TGFBRAP1: variants seen among roughly 807,000 people sequenced by gnomAD.
The protein encoded by TGFBRAP1 is transforming growth factor beta receptor associated protein 1.
A neutral mutation model predicts 83.2 loss-of-function variants in TGFBRAP1; 20 were observed. That is an observed-to-expected ratio of 0.24 (90% CI 0.17 to 0.35). The LOEUF (loss-of-function observed/expected upper bound fraction) is 0.35, where lower values mean the gene tolerates loss of function less well. TGFBRAP1 is among the 10% of genes least tolerant of loss of function. The probability of loss-of-function intolerance (pLI) is 1.00; values close to 1 mark genes in which losing one functional copy is unlikely to be tolerated. For missense variants in TGFBRAP1, 950 were observed against 1,099.4 expected, an observed-to-expected ratio of 0.86 and a Z score of 1.92; for synonymous variants, 415 against 459.8, an observed-to-expected ratio of 0.90 and a Z score of 1.25.
At chr2:105,277,171 G>T (rs1677378461) in intron 7 of TGFBRAP1, among the ~76,000 whole-genome samples, 1 of 152,190 alleles carries the variant, frequency 6.6e-6, no homozygotes, top group South Asian at 2.1e-4. Context: ...CATGGCCTCG[G>T]GCAAGCAACT....
downstream of TGFBRAP1, among the ~76,000 whole-genome samples, chr2:105,261,163 A>G (rs1343104641): frequency 2.6e-5 from 4 of 152,180 alleles, no homozygotes; most frequent in East Asian, 7.7e-4. Flanking sequence ...CAGAGGCGGG[A>G]GTGAGGGAGG....
intron 8 of TGFBRAP1, among the ~76,000 whole-genome samples, chr2:105,274,960 G>A (rs1187409418): frequency 1.3e-5 from 2 of 152,200 alleles, no homozygotes; most frequent in Non-Finnish European, 2.9e-5. Flanking sequence ...CACCTGTGGG[G>A]CTTTACTAAG....
At chr2:105,289,332 C>T (rs553011902) in intron 4 of TGFBRAP1, among the ~76,000 whole-genome samples, 1 of 152,278 alleles carries the variant, frequency 6.6e-6, no homozygotes, top group Non-Finnish European at 1.5e-5. Context: ...CTTTTAACCA[C>T]ATGCATGTAT....
the TGFBRAP1 span, among the ~76,000 whole-genome samples, chr2:105,252,480 T>A: frequency 6.6e-6 from 1 of 152,100 alleles, no homozygotes; most frequent in Non-Finnish European, 1.5e-5. Context: ...CGGAATGCAT[T>A]CCCTTCAGAC....
At chr2:105,272,536 G>A (rs755084920) in intron 10 of TGFBRAP1, among the ~76,000 whole-genome samples, 13 of 152,218 alleles carry the variant, frequency 8.5e-5, no homozygotes, top group South Asian at 2.1e-4. Flanking sequence ...CTAGAGGCAC[G>A]AGAAGCCTTA....
At chr2:105,281,894 A>G (rs1677550619) in intron 5 of TGFBRAP1, among the ~76,000 whole-genome samples, 1 of 151,806 alleles carries the variant, frequency 6.6e-6, no homozygotes, top group Non-Finnish European at 1.5e-5. Context: ...GTGCTATGGC[A>G]TCTAGTAGGT....
downstream of TGFBRAP1, among the ~76,000 whole-genome samples, chr2:105,261,088 G>A (rs370303112): frequency 3.9e-5 from 6 of 152,186 alleles, no homozygotes; most frequent in African/African-American, 1.4e-4. Flanking sequence ...CTGCCTGTAA[G>A]TCAGCAACAT....
At chr2:105,279,243 T>C (rs942900831) in intron 6 of TGFBRAP1, among the ~76,000 whole-genome samples, 2 of 152,204 alleles carry the variant, frequency 1.3e-5, no homozygotes, top group East Asian at 3.9e-4. Flanking sequence ...TACTAACTCA[T>C]GCACATAAGG....
Position 105,280,542 on chromosome 2 carries a change from C to T in TGFBRAP1, c.1303G>A (p.Val435Ile). 6.2e-7 allele frequency: 1 copy of T among 1,614,158 alleles called. No individual in the cohort carries two copies. The highest frequency in any genetic ancestry group is 8.5e-7 in the Non-Finnish European group (1 of 1,180,036). Reference protein sequence around the residue: ...KRFLMSYLNEVRSTEVANGYK... With the variant: ...KRFLMSYLNEIRSTEVANGYK... ...CCATTTGCTACCTCTGTGCTGCGGA[C>T]CTCGTTCAGGTAGCTCATGAGGAAG... The change falls in exon 6 of 12, where the codon GTC (valine) becomes ATC (isoleucine). Residue 435 changes from valine (V) to isoleucine (I), a missense_variant. Physicochemically the swap from Val to Ile is conservative, Grantham distance 29. Transcript: ENST00000393359.
At chr2:105,298,433 TTC>T in intron 3 of TGFBRAP1, 76 bp downstream of exon 3, 2 of 1,465,848 alleles carry the variant, frequency 1.4e-6, no homozygotes, top group Non-Finnish European at 1.8e-6. Context: ...CAAGGCCCAG[TTC>T]CTAAATGATA....
chr2:105,313,975 G>A (rs957215483), intron 1 of TGFBRAP1, among the ~76,000 whole-genome samples: 2 of 152,108 alleles, frequency 1.3e-5, no homozygotes, highest in African/African-American at 4.8e-5. Flanking sequence ...CTAACCCCCA[G>A]TACCCATGAA....
chr2:105,283,116 C>T (rs750647084), intron 5 of TGFBRAP1, among the ~76,000 whole-genome samples: 4 of 152,186 alleles, frequency 2.6e-5, no homozygotes, highest in Non-Finnish European at 5.9e-5. Context: ...ACACAAGATA[C>T]GGCAGAAAAG....
chr2:105,318,029 G>T (rs1678940388), intron 1 of TGFBRAP1, among the ~76,000 whole-genome samples: 4 of 152,180 alleles, frequency 2.6e-5, no homozygotes. Flanking sequence ...CATGCCAGGG[G>T]AAGGTTCGGA....
At chr2:105,256,084 T>C in the TGFBRAP1 span, among the ~76,000 whole-genome samples, 18 of 152,176 alleles carry the variant, frequency 1.2e-4, no homozygotes, top group Admixed American at 5.9e-4. Context: ...CTAAAACAAT[T>C]TGCATTCTGC....
rs1358515393 is a variant in TGFBRAP1, at chr2:105,280,661, G to A, written c.1184C>T (p.Ser395Phe). Residue 395 changes from serine to phenylalanine, a missense_variant, in exon 6 of 12, where the codon TCC (serine) becomes TTC (phenylalanine). By Grantham distance (155) the Ser-to-Phe change is radical (BLOSUM62 -2). Transcript: ENST00000393359. ...AGGAGGGTGGGACCGGGTGAAGGAG[G>A]AGGAGGTGGGCAACAGGAAGGGGTA... Reference protein sequence around the residue: ...SLYPFLLPTSSSFTRSHPPLH... With the variant: ...SLYPFLLPTSFSFTRSHPPLH... 2 of 1,614,208 alleles carry A rather than the reference G, an allele frequency of 1.2e-6. No individual in the cohort carries two copies. Among genetic ancestry groups the A allele is most frequent in the Admixed American group, 1.7e-5 (1 of 60,030 alleles).
intron 4 of TGFBRAP1, among the ~76,000 whole-genome samples, chr2:105,289,266 C>CT (rs1677823376): frequency 1.3e-5 from 2 of 152,062 alleles, no homozygotes; most frequent in Non-Finnish European, 2.9e-5. Context: ...ACACTGGTGA[C>CT]TTAGAGAGAA....
intron 2 of TGFBRAP1, among the ~76,000 whole-genome samples, chr2:105,306,465 G>A (rs752916900): frequency 1.3e-5 from 2 of 152,120 alleles, no homozygotes; most frequent in Non-Finnish European, 2.9e-5. Flanking sequence ...CCTGAGAAAA[G>A]GGAGGTCTGG....
intron 2 of TGFBRAP1, among the ~76,000 whole-genome samples, chr2:105,305,355 G>T (rs1023961651): frequency 6.6e-6 from 1 of 152,172 alleles, no homozygotes; most frequent in African/African-American, 2.4e-5. Flanking sequence ...GTGTTAAAAG[G>T]AATGCGCTCT....
intron 1 of TGFBRAP1, chr2:105,324,884 A>G (rs184564834): frequency 1.6e-4 from 24 of 152,372 alleles, no homozygotes; most frequent in African/African-American, 4.8e-4. Flanking sequence ...ACTGTGGTAA[A>G]TGTGGGCACG....
Sources: gnomAD v4.1 joint callset for allele counts (sites outside exome capture counted in the v4.1 genomes callset) on GRCh38, gnomAD v4.1.1 for gene constraint, MANE v1.5 for transcripts, NCBI Gene and HGNC (gene_info 2026-07-23, HGNC 2026-07-21) for gene names.